NELFE: variants seen among roughly 807,000 people sequenced by gnomAD.
The protein encoded by NELFE is negative elongation factor complex member E.
In NELFE, 26 loss-of-function variants were observed where a neutral mutation model predicts 55.5. The observed-to-expected ratio is 0.47, with a 90% confidence interval of 0.34 to 0.65. The LOEUF (loss-of-function observed/expected upper bound fraction) is 0.65. Ranked by LOEUF, NELFE falls within the 30% of genes least tolerant of loss-of-function variation. The probability of loss-of-function intolerance (pLI) is 0.01; values close to 1 mark genes in which losing one functional copy is unlikely to be tolerated. For missense variants in NELFE, 403 were observed against 506.9 expected (o/e 0.80, Z 1.97); for synonymous variants, 162 against 178.0 (o/e 0.91, Z 0.72).
rs1331748548 is a variant in NELFE at position 31,958,357 on chromosome 6, C to T, written c.75+15G>A. The T allele has an allele frequency of 1.2e-6, 2 of 1,611,150 alleles. No homozygotes were observed. Among genetic ancestry groups the T allele is most frequent in the South Asian group, 1.1e-5 (1 of 91,050 alleles). ...TCTGTGAAAGGTTAGGCCATGTCCA[C>T]ACACAGTCCCTCACCTTTTTCTTGA... is the stretch of plus-strand genomic sequence containing the variant. On this transcript the variant is annotated intron_variant, in intron 2 of 10. Coordinates refer to ENST00000375429, the MANE Select transcript of NELFE (RefSeq NM_002904.6).
intron 9 of NELFE, 113 bp downstream of exon 9, chr6:31,953,967 G>A (rs1771911826): frequency 1.5e-6 from 2 of 1,362,804 alleles, no homozygotes; most frequent in Non-Finnish European, 2.1e-6. Context: ...GTGTGAATAG[G>A]GAGAGGCTTT....
chr6:31,957,453 T>C (rs1472248879), intron 2 of NELFE: 2 of 463,346 alleles, frequency 4.3e-6, no homozygotes, highest in Non-Finnish European at 8.6e-6. Context: ...ATAAAATACA[T>C]TGAGTTAGCA....
In NELFE at chr6:31,958,661, A is replaced by G. The variant is rs1319502827; in HGVS notation, c.-8-207T>C. ...TCCCTCCTGTCTCCAGGGATCACAG[A>G]CACCAGCACCTTTAGGTACCATGTG... On this transcript the variant is annotated intron_variant, in intron 1 of 10. Coordinates refer to ENST00000375429, the MANE Select transcript of NELFE (RefSeq NM_002904.6). The G allele has an allele frequency of 1.4e-5, 10 of 703,740 alleles. No individual in the cohort carries two copies. In the Admixed American group the frequency reaches 2.0e-4, roughly 14 times the overall value. The allele number at this position is 703,740 out of a possible 1,614,324, so 43.6% of individuals were successfully genotyped here.
intron 2 of NELFE, 71 bp from the exon 3 acceptor site, chr6:31,957,081 T>G (rs1772134504): frequency 7.4e-7 from 1 of 1,360,260 alleles, no homozygotes; most frequent in Non-Finnish European, 1.0e-6. Context: ...CTAAGGCCCC[T>G]GGGCACATCA....
Position 31,954,172 on chromosome 6 carries a change from G to A in NELFE, c.888-38C>T, listed in dbSNP as rs370909514. ...AAAACACGGTCAGTGGAGAGCCAAG[G>A]GGCTCTTCTGGACCCAACCAAACCC... is the stretch of plus-strand genomic sequence containing the variant. On this transcript the variant is annotated intron_variant, in intron 8 of 10. Coordinates refer to ENST00000375429, the MANE Select transcript of NELFE (RefSeq NM_002904.6). This position sits in a 1 kb window ranked among gnomAD's most constrained non-coding sequence, Gnocchi z 5.5. The A allele has an allele frequency of 1.1e-3, 1,752 of 1,610,974 alleles. 6 individuals are homozygous for A. The highest frequency in any genetic ancestry group is 0.01 in the African/African-American group (766 of 74,972).
chr6:31,958,090 A>G (rs1463395490), intron 2 of NELFE, among the ~76,000 whole-genome samples: 1 of 152,234 alleles, frequency 6.6e-6, no homozygotes, highest in Non-Finnish European at 1.5e-5. Context: ...GTTTTTCAGT[A>G]TAACACTGGA....
rs148946417 is a variant in NELFE, at chr6:31,954,597, G to A, written c.700C>T (p.Arg234Trp). The A allele has an allele frequency of 8.1e-6, 13 of 1,609,280 alleles. No homozygotes were observed. The highest frequency in any genetic ancestry group is 5.4e-5 in the African/African-American group (4 of 74,550). ...CGGTCTCGGTCTCGATCCCGCTCCC[G>A]ATCCCTGTCCCGTTCCCGGTCTCGA... ...RDRDRERDRDRERDRDRDREG... is the reference protein window; with the variant it reads ...RDRDRERDRDWERDRDRDREG... The change falls in exon 7 of 11, where the codon CGG becomes TGG. Residue 234 changes from arginine to tryptophan, a missense_variant. This residue lies in a region of NELFE where 229 missense variants were observed against 228.3 expected (regional missense o/e 1.00). Coordinates refer to ENST00000375429, the MANE Select transcript of NELFE (RefSeq NM_002904.6). The surrounding 1 kb of genome is among the most constrained non-coding windows in gnomAD (Gnocchi z 5.5).
In NELFE at chr6:31,954,626, C is replaced by T. The variant is rs750904121; in HGVS notation, c.671G>A (p.Arg224Gln). ...CCTGTCCCGTTCCCGGTCTCGATCT[C>T]GATCCCGATCCCGATCCCTGTCCCG... ...RERDRDRDRDRDRDRERDRDR... is the reference protein window; with the variant it reads ...RERDRDRDRDQDRDRERDRDR... The change falls in exon 7 of 11, where the codon CGA becomes CAA. Residue 224 changes from arginine (R) to glutamine (Q), a missense_variant. Around this residue, in one of 3 missense-constraint regions of NELFE, gnomAD observed 229 missense variants for 228.3 expected, o/e 1.00. Transcript: ENST00000375429. This position sits in a 1 kb window ranked among gnomAD's most constrained non-coding sequence, Gnocchi z 5.5. 9.5e-6 allele frequency: 15 copies of T among 1,584,946 alleles called. No homozygotes were observed. The South Asian group carries it at 1.0e-4, about 11-fold the overall frequency.
At chr6:31,957,087 C>T (rs1772134685) in intron 2 of NELFE, 77 bp from the exon 3 acceptor site, 2 of 1,313,554 alleles carry the variant, frequency 1.5e-6, no homozygotes, top group Non-Finnish European at 2.1e-6. Flanking sequence ...CCCCTGGGCA[C>T]ATCACTCCAG....
chr6:31,957,059 C>T, intron 2 of NELFE, 49 bp from the exon 3 acceptor site: 1 of 1,536,910 alleles, frequency 6.5e-7, no homozygotes, highest in Non-Finnish European at 8.9e-7. Context: ...CAGCCCCTAG[C>T]CGGTTCCTCT....
At chr6:31,958,620 C>T (rs557830840) in intron 1 of NELFE, 166 bp from the exon 2 acceptor site, 9 of 709,800 alleles carry the variant, frequency 1.3e-5, no homozygotes, top group Non-Finnish European at 2.1e-5. Context: ...TCCCGCTGGT[C>T]GGGATCATCC....
At position 31,952,301 on chromosome 6, in the gene NELFE, C is replaced by G. The variant is rs758649830; in HGVS notation, c.1143G>C (p.Ter381TyrextTer43). The stretch of plus-strand genomic sequence containing the variant: ...GGCACAAGGAATCCAGCTCTGTTCC[C>G]TAGAAGCCATCCACAAGGTTTTCCT... Reference protein sequence around the residue: ...VYKENLVDGF* With the variant: ...VYKENLVDGFY Residue 381 changes from the stop codon to tyrosine (Y), a stop_lost, in exon 11 of 11, where the codon TAG (stop) becomes TAC (tyrosine). Coordinates refer to ENST00000375429, the MANE Select transcript of NELFE (RefSeq NM_002904.6). The G allele has an allele frequency of 6.8e-6, 11 of 1,612,640 alleles. No individual in the cohort carries two copies. Among genetic ancestry groups the G allele is most frequent in the Non-Finnish European group, 9.3e-6 (11 of 1,178,986 alleles).
In NELFE at chr6:31,954,211, G is replaced by A. The variant is rs559843213; in HGVS notation, c.888-77C>T. 9.5e-5 allele frequency: 153 copies of A among 1,608,536 alleles called. No homozygotes were observed. The highest frequency in any genetic ancestry group is 1.7e-4 in the Middle Eastern group (1 of 5,900). On this transcript the variant is annotated intron_variant, in intron 8 of 10. Transcript: ENST00000375429. This position sits in a 1 kb window ranked among gnomAD's most constrained non-coding sequence, Gnocchi z 5.5. ...CCAACCAAACCCAGTGATAATAGGC[G>A]GCTGCAGGGAGGGCAGCTTCTTCCC...
intron 4 of NELFE, among the ~76,000 whole-genome samples, chr6:31,955,771 T>A (rs919607338): frequency 8.4e-6 from 1 of 119,736 alleles, no homozygotes; most frequent in Non-Finnish European, 1.8e-5. Context: ...CATTGTGGCT[T>A]GTTTTGTTTT....
At chr6:31,955,936 A>AT (rs35917342) in intron 4 of NELFE, among the ~76,000 whole-genome samples, 23,972 of 141,192 alleles carry the variant, frequency 0.17, 2,481 homozygotes, top group African/African-American at 0.31. Flanking sequence ...CATTCTGCTA[A>AT]TTTTTTTTTT....
Position 31,955,221 on chromosome 6 carries a change from C to G in NELFE, c.364G>C (p.Glu122Gln), listed in dbSNP as rs1421552809. The change falls in exon 5 of 11, where the codon GAG (glutamate) becomes CAG (glutamine). Residue 122 changes from glutamate (E) to glutamine (Q), a missense_variant and splice_region_variant. Around this residue, in one of 3 missense-constraint regions of NELFE, gnomAD observed 97 missense variants for 155.3 expected, o/e 0.62. Transcript: ENST00000375429. ...RSISADDDLQ[E>Q]SSRRPQRKSL... is the part of the protein sequence containing the mutation. Reference sequence around the variant, plus strand: ...GGACAGAAATTAGGAGCCTTTACCTCTTGCAGGTCATCATCAGCAGATATG... The same window carrying G: ...GGACAGAAATTAGGAGCCTTTACCTGTTGCAGGTCATCATCAGCAGATATG... The G allele has an allele frequency of 6.2e-7, 1 of 1,609,108 alleles. No homozygotes were observed. Among genetic ancestry groups the G allele is most frequent in the African/African-American group, 1.3e-5 (1 of 74,804 alleles).
At chr6:31,957,896 A>T (rs1386763277) in intron 2 of NELFE, among the ~76,000 whole-genome samples, 1 of 152,262 alleles carries the variant, frequency 6.6e-6, no homozygotes, top group African/African-American at 2.4e-5. Context: ...GGGAATGCAC[A>T]GTGAAGAATA....
chr6:31,956,726 G>A lies in NELFE; in HGVS notation c.258C>T (p.Phe86=). The change falls in exon 4 of 11, where the codon TTC becomes TTT. Residue 86 remains phenylalanine, a synonymous_variant. Coordinates refer to ENST00000375429, the MANE Select transcript of NELFE (RefSeq NM_002904.6). The part of the protein sequence containing the change: ...AIKAETKNSG[F]KRSRTLEGKL... Reference sequence around the variant, plus strand: ...TCCCCTCAAGGGTTCGAGAACGCTTGAAGCCTGAGTTCTTGGTCTCAGCCT... The same window carrying A: ...TCCCCTCAAGGGTTCGAGAACGCTTAAAGCCTGAGTTCTTGGTCTCAGCCT... The A allele has an allele frequency of 6.2e-7, 1 of 1,612,016 alleles. No individual in the cohort carries two copies. The highest frequency in any genetic ancestry group is 1.7e-5 in the Admixed American group (1 of 60,002).
In NELFE at chr6:31,954,180, C is replaced by T. The variant is rs1208158123; in HGVS notation, c.888-46G>A. 6.2e-7 allele frequency: 1 copy of T among 1,612,812 alleles called. No individual in the cohort carries two copies. The highest frequency in any genetic ancestry group is 2.2e-5 in the East Asian group (1 of 44,872). ...GTCAGTGGAGAGCCAAGGGGCTCTT[C>T]TGGACCCAACCAAACCCAGTGATAA... On this transcript the variant is annotated intron_variant, in intron 8 of 10. Coordinates refer to ENST00000375429, the MANE Select transcript of NELFE (RefSeq NM_002904.6). This position sits in a 1 kb window ranked among gnomAD's most constrained non-coding sequence, Gnocchi z 5.5.
Sources: gnomAD v4.1 joint callset for allele counts (sites outside exome capture counted in the v4.1 genomes callset) on GRCh38, gnomAD v4.1.1 for gene constraint, gnomAD v4.1.1 regional missense constraint, Gnocchi (gnomAD v3.1) non-coding constraint, MANE v1.5 for transcripts, NCBI Gene and HGNC (gene_info 2026-07-23, HGNC 2026-07-21) for gene names.